Variants in BMP8B observed in about 807,000 individuals in gnomAD.
BMP8B encodes bone morphogenetic protein 8 (osteogenic protein 2).
A neutral mutation model predicts 30.3 loss-of-function variants in BMP8B; 17 were observed. That is an observed-to-expected ratio of 0.56 (90% CI 0.38 to 0.84). BMP8B has a LOEUF of 0.84. Among genes scored for constraint, BMP8B ranks in the 40% least tolerant of loss-of-function variants. The pLI, the probability that BMP8B is intolerant of heterozygous loss-of-function variation, is 0.00. For missense variants in BMP8B, 253 were observed against 494.6 expected, an observed-to-expected ratio of 0.51 and a Z score of 4.63; for synonymous variants, 131 against 214.7, an observed-to-expected ratio of 0.61 and a Z score of 3.41.
chr1:39,779,330 G>A (rs1650456580), intron 1 of BMP8B, among the ~76,000 whole-genome samples: 3 of 152,112 alleles, frequency 2.0e-5, no homozygotes, highest in Admixed American at 2.0e-4. Flanking sequence ...CCCTGCTCTT[G>A]GCACTCGCTG....
At chr1:39,786,684 G>A (rs1381425004) in intron 1 of BMP8B, among the ~76,000 whole-genome samples, 1 of 151,982 alleles carries the variant, frequency 6.6e-6, no homozygotes, top group African/African-American at 2.4e-5. Flanking sequence ...CTGTCCTGAT[G>A]ACAGAGCCCC....
Position 39,788,526 on chromosome 1 carries a change from G to C in BMP8B, c.-41C>G. On this transcript the variant is annotated 5_prime_UTR_variant, in exon 1 of 7. Coordinates refer to ENST00000372827, the MANE Select transcript of BMP8B (RefSeq NM_001720.5). This position sits in a 1 kb window ranked among gnomAD's most constrained non-coding sequence, Gnocchi z 5.8. ...CTCAGCTGGGGCGCTCAGCGGGCGC[G>C]CATCGGCTCCGCGGCCGACCCAGGG... 1.0e-6 allele frequency: 1 copy of C among 1,001,882 alleles called. No individual in the cohort carries two copies. Among genetic ancestry groups the C allele is most frequent in the Non-Finnish European group, 1.2e-6 (1 of 842,240 alleles). 62.1% of individuals were successfully genotyped at this position (1,001,882 alleles called of 1,614,324 possible).
chr1:39,781,738 T>C (rs1273481102), intron 1 of BMP8B, among the ~76,000 whole-genome samples: 1 of 152,200 alleles, frequency 6.6e-6, no homozygotes, highest in Non-Finnish European at 1.5e-5. Flanking sequence ...GGTGGCCCTT[T>C]AGAGCTGTCT....
chr1:39,779,417 G>A (rs1410000319), intron 1 of BMP8B, among the ~76,000 whole-genome samples: 1 of 152,218 alleles, frequency 6.6e-6, no homozygotes, highest in Non-Finnish European at 1.5e-5. Context: ...GCCAGGAAGA[G>A]TCACACTTGG....
chr1:39,763,382 G>C (rs1274866431), intron 5 of BMP8B, among the ~76,000 whole-genome samples, 180 bp from the exon 6 acceptor site: 1 of 145,556 alleles, frequency 6.9e-6, no homozygotes, highest in African/African-American at 2.6e-5. Flanking sequence ...TCTTCACTTT[G>C]CGTCCCCTCC....
chr1:39,763,184 G>A lies in BMP8B; in HGVS notation c.967C>T (p.Gln323Ter), dbSNP rs1649255917. ...TCACAGTAATAGGCCGAGTAGCCTTGGGGAGCGATGACCCAGTCCTGGGGG... is the reference window on the plus strand; with the variant it reads ...TCACAGTAATAGGCCGAGTAGCCTTAGGGAGCGATGACCCAGTCCTGGGGG... ...LGWLDWVIAP[Q>*]GYSAYYCEGE... The change falls in exon 6 of 7, where the codon CAA becomes TAA. Residue 323 changes from glutamine (Q) to a stop codon, truncating the protein, a stop_gained. Transcript: ENST00000372827. LOFTEE classifies it high-confidence loss of function. 2 of 1,613,352 alleles carry A rather than the reference G, an allele frequency of 1.2e-6. No homozygotes were observed. Among genetic ancestry groups the A allele is most frequent in the Non-Finnish European group, 1.7e-6 (2 of 1,179,688 alleles).
At chr1:39,781,790 C>T (rs769145105) in intron 1 of BMP8B, among the ~76,000 whole-genome samples, 2 of 152,184 alleles carry the variant, frequency 1.3e-5, no homozygotes, top group Admixed American at 6.5e-5. Flanking sequence ...CTGCCATAGA[C>T]CAGCTGTTGG....
intron 1 of BMP8B, among the ~76,000 whole-genome samples, chr1:39,779,592 A>G (rs1650481761): frequency 6.6e-6 from 1 of 152,228 alleles, no homozygotes; most frequent in Non-Finnish European, 1.5e-5. Flanking sequence ...GGGCTTTGGA[A>G]GAAGGAGGCA....
chr1:39,759,404 C>G lies in BMP8B; in HGVS notation c.*1015G>C, dbSNP rs1648649896. 1.3e-5 allele frequency: 2 copies of G among 152,278 alleles called. No individual in the cohort carries two copies. Among genetic ancestry groups the G allele is most frequent in the South Asian group, 4.1e-4 (2 of 4,836 alleles). 9.4% of individuals were successfully genotyped at this position (152,278 alleles called of 1,614,324 possible). A position where few individuals can be genotyped will look rare whatever the true frequency, so the allele number is the denominator to read the frequency against. On this transcript the variant is annotated 3_prime_UTR_variant, in exon 7 of 7. Transcript: ENST00000372827. ...CATGCTCGGGCAGGGATGGACTGCT[C>G]CTCAGCATGGCAGAAGATGGCAACC...
chr1:39,765,919 G>C (rs1649582236), intron 3 of BMP8B, among the ~76,000 whole-genome samples: 1 of 135,592 alleles, frequency 7.4e-6, no homozygotes, highest in Non-Finnish European at 1.6e-5. Flanking sequence ...GCATGGTGGT[G>C]AACTTCCCGG....
intron 3 of BMP8B, chr1:39,771,335 G>A (rs1649966716): frequency 8.3e-7 from 1 of 1,205,562 alleles, no homozygotes. Context: ...AGCAGGGCGG[G>A]CGCCCGCGCC....
intron 3 of BMP8B, among the ~76,000 whole-genome samples, chr1:39,771,578 C>T (rs1254396581): frequency 6.6e-6 from 1 of 151,352 alleles, no homozygotes; most frequent in Admixed American, 6.6e-5. Context: ...AAACTCCAAC[C>T]ACCCCGCCCA....
At chr1:39,776,242 C>T (rs1197402940) in intron 1 of BMP8B, among the ~76,000 whole-genome samples, 3 of 151,972 alleles carry the variant, frequency 2.0e-5, no homozygotes, top group Admixed American at 6.5e-5. Flanking sequence ...GCTGTAGTTG[C>T]GGAATAAAGC....
At chr1:39,764,092 T>G (rs1337404940) in intron 4 of BMP8B, among the ~76,000 whole-genome samples, 11 of 150,910 alleles carry the variant, frequency 7.3e-5, no homozygotes, top group Admixed American at 3.3e-4. Context: ...ATCCTGTGCC[T>G]CCTCCTCTCT....
intron 1 of BMP8B, among the ~76,000 whole-genome samples, chr1:39,779,474 A>C (rs899179751): frequency 3.9e-5 from 6 of 152,238 alleles, no homozygotes; most frequent in African/African-American, 7.2e-5. Context: ...GAGGAGAAAG[A>C]GGGGCTAGGT....
intron 5 of BMP8B, 30 bp downstream of exon 5, chr1:39,763,682 A>C: frequency 6.3e-7 from 1 of 1,580,412 alleles, no homozygotes. Context: ...GGTGATTGTC[A>C]TTTCAGAAAC....
rs1226376423 is a variant in BMP8B, at chr1:39,788,592, G to A, written c.-107C>T. On this transcript the variant is annotated 5_prime_UTR_variant, in exon 1 of 7. Transcript: ENST00000372827. This position sits in a 1 kb window ranked among gnomAD's most constrained non-coding sequence, Gnocchi z 5.8. Reference sequence around the variant, plus strand: ...ACGGCAAGGAGGCTGGGCTCGGCGGGCGGCGGGCGGCGGGGCGGGGCGGGA... The same window carrying A: ...ACGGCAAGGAGGCTGGGCTCGGCGGACGGCGGGCGGCGGGGCGGGGCGGGA... 1.1e-6 allele frequency: 1 copy of A among 947,452 alleles called. No homozygotes were observed. Among genetic ancestry groups the A allele is most frequent in the Non-Finnish European group, 1.3e-6 (1 of 795,868 alleles). 58.7% of individuals were successfully genotyped at this position (947,452 alleles called of 1,614,324 possible).
rs141768760 is a variant in BMP8B at position 39,760,447 on chromosome 1, A to G, written c.1181T>C (p.Met394Thr). ...GTGGCAGCCGCAGGCCTTGACCACCATGTTGCGGTGCTTGCGCAGGATGAC... is the reference window on the plus strand; with the variant it reads ...GTGGCAGCCGCAGGCCTTGACCACCGTGTTGCGGTGCTTGCGCAGGATGAC... ...NNVILRKHRN[M>T]VVKACGCH The change falls in exon 7 of 7, where the codon ATG becomes ACG. Residue 394 changes from methionine to threonine, a missense_variant. Met to Thr is a moderately conservative substitution (Grantham distance 81). This residue lies in a region of BMP8B where 116 missense variants were observed against 142.3 expected (regional missense o/e 0.81). Coordinates refer to ENST00000372827, the MANE Select transcript of BMP8B (RefSeq NM_001720.5). 21 of 1,613,984 alleles carry G rather than the reference A, an allele frequency of 1.3e-5. No individual in the cohort carries two copies. Among genetic ancestry groups the G allele is most frequent in the Non-Finnish European group, 1.7e-5 (20 of 1,180,012 alleles).
chr1:39,770,311 G>T, intron 3 of BMP8B: 2 of 1,584,484 alleles, frequency 1.3e-6, no homozygotes, highest in Middle Eastern at 1.8e-4. Flanking sequence ...CCAGATTGGC[G>T]TACATGCCGT....
Sources: gnomAD v4.1 joint callset for allele counts (sites outside exome capture counted in the v4.1 genomes callset) on GRCh38, gnomAD v4.1.1 for gene constraint, gnomAD v4.1.1 regional missense constraint, Gnocchi (gnomAD v3.1) non-coding constraint, MANE v1.5 for transcripts, NCBI Gene and HGNC (gene_info 2026-07-23, HGNC 2026-07-21) for gene names.